The following METTL15 variants were observed in gnomAD, a reference collection of about 807,000 sequenced individuals.
The protein encoded by METTL15 is methyltransferase 15, mitochondrial 12S rRNA N4-cytidine.
Under a neutral mutation model 38.3 loss-of-function variants are expected in METTL15, and 34 were observed. That is an observed-to-expected ratio of 0.89 (90% CI 0.68 to 1.18). METTL15 has a LOEUF of 1.18. Ranked by LOEUF, METTL15 falls within the 50% of genes most tolerant of loss-of-function variation. The probability of loss-of-function intolerance (pLI) is 0.00; values close to 1 mark genes in which losing one functional copy is unlikely to be tolerated. For missense variants in METTL15, 438 were observed against 498.4 expected (o/e 0.88, Z 1.15); for synonymous variants, 162 against 170.9 (o/e 0.95, Z 0.41).
chr11:28,191,667 G>T (rs1851704759), intron 3 of METTL15, among the ~76,000 whole-genome samples: 1 of 151,564 alleles, frequency 6.6e-6, no homozygotes, highest in Admixed American at 6.6e-5. Context: ...TATTATGGAT[G>T]AGTTCTTTTG....
At chr11:28,362,547 T>C (rs1051756973) in intron 5 of METTL15, among the ~76,000 whole-genome samples, 9 of 152,210 alleles carry the variant, frequency 5.9e-5, no homozygotes, top group Admixed American at 6.5e-5. Flanking sequence ...ATCATGTATA[T>C]TCAATGTTTA....
At chr11:28,503,061 C>T (rs935787047) in intron 6 of METTL15, among the ~76,000 whole-genome samples, 7 of 152,210 alleles carry the variant, frequency 4.6e-5, no homozygotes, top group Non-Finnish European at 1.0e-4. Context: ...GCTGGGGGCT[C>T]TCCTCCACAT....
chr11:28,224,618 A>C (rs1475600491), intron 4 of METTL15, among the ~76,000 whole-genome samples: 2 of 151,760 alleles, frequency 1.3e-5, no homozygotes, highest in Non-Finnish European at 3.0e-5. Flanking sequence ...TTCCTCTTTC[A>C]TTAGATTGTT....
intron 6 of METTL15, among the ~76,000 whole-genome samples, chr11:28,455,073 C>T (rs1851156229): frequency 1.3e-5 from 2 of 152,020 alleles, no homozygotes. Flanking sequence ...TACTCAGGTC[C>T]CCTGAATCCT....
chr11:28,112,620 T>C (rs1427604815), intron 2 of METTL15, among the ~76,000 whole-genome samples: 1 of 152,178 alleles, frequency 6.6e-6, no homozygotes, highest in Non-Finnish European at 1.5e-5. Flanking sequence ...TATTTGTTTT[T>C]TGGGTGCCGG....
intron 3 of METTL15, among the ~76,000 whole-genome samples, chr11:28,184,609 ATACT>A (rs1343426455): frequency 1.3e-5 from 2 of 151,610 alleles, no homozygotes; most frequent in African/African-American, 2.4e-5. Flanking sequence ...ACACGTTTAA[ATACT>A]TAGTACAGTA....
chr11:28,484,654 A>T (rs1851423491), intron 6 of METTL15, among the ~76,000 whole-genome samples: 1 of 151,974 alleles, frequency 6.6e-6, no homozygotes, highest in East Asian at 1.9e-4. Context: ...TGGTTTCAAA[A>T]CATCCTAGGT....
intron 3 of METTL15, among the ~76,000 whole-genome samples, chr11:28,120,059 C>G (rs942986997): frequency 1.3e-5 from 2 of 152,128 alleles, no homozygotes; most frequent in African/African-American, 4.8e-5. Context: ...TCACACCATT[C>G]TCCTGCCTCA....
intron 4 of METTL15, among the ~76,000 whole-genome samples, chr11:28,214,047 CT>C (rs200629107): frequency 6.6e-6 from 1 of 151,034 alleles, no homozygotes; most frequent in Non-Finnish European, 1.5e-5. Context: ...TAATACCCAT[CT>C]TTTTTTTTAT....
intron 6 of METTL15, among the ~76,000 whole-genome samples, chr11:28,322,623 G>C (rs755268360): frequency 1.1e-4 from 17 of 151,872 alleles, no homozygotes; most frequent in Non-Finnish European, 2.2e-4. Flanking sequence ...AATTTAAGTG[G>C]ACATAACTAC....
chr11:28,290,463 A>G lies in METTL15; in HGVS notation c.599+66A>G. ...AATTTGTCAAAAACACTCTGAATTT[A>G]ATTTTTTTAAGACTACAGAATTTCC... On this transcript the variant is annotated intron_variant, in intron 5 of 6. Transcript: ENST00000407364. 4.8e-6 allele frequency: 7 copies of G among 1,468,282 alleles called. No individual in the cohort carries two copies. The South Asian group carries it at 9.2e-5, about 19-fold the overall frequency. 91.0% of individuals were successfully genotyped at this position (1,468,282 alleles called of 1,614,324 possible).
intron 4 of METTL15, among the ~76,000 whole-genome samples, chr11:28,354,350 A>C (rs1850071776): frequency 6.6e-6 from 1 of 152,148 alleles, no homozygotes; most frequent in African/African-American, 2.4e-5. Flanking sequence ...GGGAGAGGAG[A>C]ATAGTATGTT....
intron 6 of METTL15, among the ~76,000 whole-genome samples, chr11:28,315,856 T>G (rs937253702): frequency 1.3e-5 from 2 of 152,226 alleles, no homozygotes; most frequent in African/African-American, 4.8e-5. Context: ...TGGCAGCTTC[T>G]ATGTGGTGTT....
chr11:28,166,403 G>A (rs1850659703), intron 3 of METTL15, among the ~76,000 whole-genome samples: 1 of 152,196 alleles, frequency 6.6e-6, no homozygotes, highest in African/African-American at 2.4e-5. Flanking sequence ...AGTCTGGAAA[G>A]CAATGTAGGT....
intron 4 of METTL15, among the ~76,000 whole-genome samples, chr11:28,217,997 C>T (rs2133855181): frequency 6.6e-6 from 1 of 152,256 alleles, no homozygotes; most frequent in South Asian, 2.1e-4. Flanking sequence ...TAGCTTGATG[C>T]TACCAGCTTT....
At chr11:28,399,554 A>G (rs1354956529) in intron 5 of METTL15, among the ~76,000 whole-genome samples, 1 of 151,974 alleles carries the variant, frequency 6.6e-6, no homozygotes, top group Admixed American at 6.6e-5. Flanking sequence ...TAGCACATAT[A>G]TTAGAATATT....
intron 6 of METTL15, among the ~76,000 whole-genome samples, chr11:28,308,595 A>G (rs1462385973): frequency 6.6e-6 from 1 of 152,190 alleles, no homozygotes; most frequent in African/African-American, 2.4e-5. Context: ...ATAACTGATT[A>G]TAAGTTTCTT....
At chr11:28,253,892 A>C (rs891815740) in intron 4 of METTL15, among the ~76,000 whole-genome samples, 15 of 152,104 alleles carry the variant, frequency 9.9e-5, no homozygotes. Context: ...GTTGATGGAC[A>C]CTTGGTTGCT....
intron 6 of METTL15, among the ~76,000 whole-genome samples, chr11:28,301,865 A>T (rs577399080): frequency 1.3e-5 from 2 of 152,222 alleles, no homozygotes; most frequent in African/African-American, 4.8e-5. Context: ...CTAATGTTTG[A>T]CACCTGAAAG....
Sources: gnomAD v4.1 joint callset for allele counts (sites outside exome capture counted in the v4.1 genomes callset) on GRCh38, gnomAD v4.1.1 for gene constraint, MANE v1.5 for transcripts, NCBI Gene and HGNC (gene_info 2026-07-23, HGNC 2026-07-21) for gene names.